The following UBA2 variants were observed in gnomAD, a reference collection of about 807,000 sequenced individuals.
UBA2 encodes the protein ubiquitin like modifier activating enzyme 2, also known as SUMO-activating enzyme subunit 2.
Under a neutral mutation model 77.2 loss-of-function variants are expected in UBA2, and 11 were observed. That is an observed-to-expected ratio of 0.14 (90% CI 0.09 to 0.24). The LOEUF is 0.24. Among genes scored for constraint, UBA2 ranks in the 10% least tolerant of loss-of-function variants. The pLI is 1.00. For missense variants in UBA2, 487 were observed against 781.7 expected, an observed-to-expected ratio of 0.62 and a Z score of 4.50; for synonymous variants, 278 against 276.7, an observed-to-expected ratio of 1.00 and a Z score of -0.05.
intron 10 of UBA2, among the ~76,000 whole-genome samples, chr19:34,453,420 A>G (rs1409008679): frequency 6.6e-5 from 10 of 152,174 alleles, no homozygotes; most frequent in African/African-American, 2.2e-4. Context: ...TTATTTGAAG[A>G]AACAGCATAT....
At chr19:34,439,375 T>C (rs2075343809) in intron 6 of UBA2, among the ~76,000 whole-genome samples, 1 of 152,218 alleles carries the variant, frequency 6.6e-6, no homozygotes, top group Non-Finnish European at 1.5e-5. Context: ...AAAAATACTC[T>C]GTACTGATAA....
chr19:34,445,663 C>T (rs2075421718), intron 8 of UBA2, among the ~76,000 whole-genome samples: 1 of 152,024 alleles, frequency 6.6e-6, no homozygotes. Context: ...GTCATGAACT[C>T]CTGACTGCAA....
chr19:34,434,032 A>G (rs2075283819), intron 4 of UBA2, among the ~76,000 whole-genome samples: 1 of 151,336 alleles, frequency 6.6e-6, no homozygotes, highest in Non-Finnish European at 1.5e-5. Context: ...AATTACTTCC[A>G]CATGTAAAAG....
chr19:34,456,329 G>T (rs967991998), intron 12 of UBA2, among the ~76,000 whole-genome samples: 1 of 151,178 alleles, frequency 6.6e-6, no homozygotes, highest in Non-Finnish European at 1.5e-5. Context: ...GCCCAGATTG[G>T]TCTCAAACTC....
chr19:34,431,642 G>A (rs180680062), intron 2 of UBA2, among the ~76,000 whole-genome samples: 17 of 152,152 alleles, frequency 1.1e-4, no homozygotes, highest in African/African-American at 3.6e-4. Context: ...TTGGTGGTAC[G>A]TGGGTCAGGG....
At position 34,470,329 on chromosome 19, in the gene UBA2, C is replaced by T. The variant is rs367799623; in HGVS notation, c.*1108C>T. 5.9e-5 allele frequency: 9 copies of T among 152,174 alleles called. No homozygotes were observed. The South Asian group carries it at 6.2e-4, about 11-fold the overall frequency. 9.4% of individuals were successfully genotyped at this position (152,174 alleles called of 1,614,324 possible). A position where few individuals can be genotyped will look rare whatever the true frequency, so the allele number is the denominator to read the frequency against. ...TTCTTTTCTTTATTCTTGGAGACTT[C>T]ACATGTAGGAAGAGTACTTTCTAAA... On this transcript the variant is annotated 3_prime_UTR_variant, in exon 17 of 17. Coordinates refer to ENST00000246548, the MANE Select transcript of UBA2 (RefSeq NM_005499.3).
intron 8 of UBA2, among the ~76,000 whole-genome samples, chr19:34,448,505 A>G (rs2075456068): frequency 6.6e-6 from 1 of 152,102 alleles, no homozygotes; most frequent in South Asian, 2.1e-4. Context: ...TGGGACAGGA[A>G]TATCACTTGA....
chr19:34,428,708 G>T, intron 1 of UBA2, 138 bp downstream of exon 1: 5 of 1,180,776 alleles, frequency 4.2e-6, no homozygotes, highest in Non-Finnish European at 5.3e-6. Flanking sequence ...CAGGCTGAGA[G>T]GCTCGGGTTG....
intron 4 of UBA2, among the ~76,000 whole-genome samples, chr19:34,434,469 T>C (rs2075288810): frequency 6.6e-6 from 1 of 152,218 alleles, no homozygotes; most frequent in South Asian, 2.1e-4. Context: ...TAAACTACTT[T>C]AATAGTTCCA....
At chr19:34,435,067 A>G (rs2075294047) in intron 5 of UBA2, 99 bp downstream of exon 5, 1 of 871,196 alleles carries the variant, frequency 1.1e-6, no homozygotes, top group African/African-American at 1.7e-5. Context: ...GAACAGGTGA[A>G]CATCCAAAAT....
At chr19:34,451,957 T>A in intron 9 of UBA2, 24 bp from the exon 10 acceptor site, 1 of 1,418,358 alleles carries the variant, frequency 7.1e-7, no homozygotes, top group Non-Finnish European at 9.6e-7. Flanking sequence ...GTGAAATTTC[T>A]AATATATATA....
chr19:34,462,344 A>G (rs747088427), intron 14 of UBA2, among the ~76,000 whole-genome samples: 10 of 152,312 alleles, frequency 6.6e-5, no homozygotes, highest in Middle Eastern at 3.4e-3. Flanking sequence ...TTAGGCGAGC[A>G]CAAGACTTCA....
At chr19:34,434,031 C>G (rs968801011) in intron 4 of UBA2, among the ~76,000 whole-genome samples, 4 of 151,362 alleles carry the variant, frequency 2.6e-5, no homozygotes, top group African/African-American at 9.6e-5. Flanking sequence ...TAATTACTTC[C>G]ACATGTAAAA....
chr19:34,437,683 T>G (rs1361436108), intron 5 of UBA2, among the ~76,000 whole-genome samples: 3 of 152,208 alleles, frequency 2.0e-5, no homozygotes, highest in Non-Finnish European at 4.4e-5. Context: ...TTGATAGTTT[T>G]GAAAAGTTGT....
At chr19:34,430,533 T>TA in intron 1 of UBA2, 43 bp from the exon 2 acceptor site, 1 of 1,461,956 alleles carries the variant, frequency 6.8e-7, no homozygotes. Flanking sequence ...AGCTCAAACA[T>TA]ACGTAAACGT....
rs2075721487 is a variant in UBA2, at chr19:34,469,788, T to C, written c.*567T>C. On this transcript the variant is annotated 3_prime_UTR_variant, in exon 17 of 17. Transcript: ENST00000246548. Reference sequence around the variant, plus strand: ...GGTATGTCTGTGTAAGAAGCCAATTTTTGTGTATTGTTACAGTTTCAGGTT... The same window carrying C: ...GGTATGTCTGTGTAAGAAGCCAATTCTTGTGTATTGTTACAGTTTCAGGTT... 1 of 152,608 alleles carries C rather than the reference T, an allele frequency of 6.6e-6. No homozygotes were observed. The allele number at this position is 152,608 out of a possible 1,614,324, so 9.5% of individuals were successfully genotyped here.
At chr19:34,428,789 C>G in intron 1 of UBA2, 1 of 1,146,708 alleles carries the variant, frequency 8.7e-7, no homozygotes, top group Non-Finnish European at 1.1e-6. Flanking sequence ...CGGCTCCGGA[C>G]GCCGAGGAGG....
At chr19:34,433,483 A>G in intron 4 of UBA2, 71 bp downstream of exon 4, 1 of 1,053,062 alleles carries the variant, frequency 9.5e-7, no homozygotes. Context: ...TTACAAATTT[A>G]ATATTTATTA....
chr19:34,433,400 T>C lies in UBA2; in HGVS notation c.346T>C (p.Leu116=). ...ACAGTTTATACTGGTTATGAATGCT[T>C]TAGATAACAGAGGTGAGGTTATTTT... ...FRQFILVMNA[L]DNRAARNHVN... is the part of the protein sequence containing the mutation. Residue 116 remains leucine, a synonymous_variant, in exon 4 of 17, where the codon TTA becomes CTA. Transcript: ENST00000246548. 6.2e-7 allele frequency: 1 copy of C among 1,605,748 alleles called. No individual in the cohort carries two copies. The highest frequency in any genetic ancestry group is 8.5e-7 in the Non-Finnish European group (1 of 1,172,972).
Sources: allele counts gnomAD v4.1 joint callset (sites outside exome capture counted in the v4.1 genomes callset), GRCh38; gene constraint gnomAD v4.1.1; transcripts MANE v1.5; gene names NCBI Gene and HGNC (gene_info 2026-07-23, HGNC 2026-07-21).